The following IBTK variants were observed in gnomAD, a reference collection of about 807,000 sequenced individuals.
IBTK encodes the protein BTK-binding protein.
IBTK carries 83 observed loss-of-function variants against 154.9 expected under a neutral mutation model. The observed-to-expected ratio is 0.54, with a 90% CI of 0.45 to 0.64. The LOEUF is 0.64. Among genes scored for constraint, IBTK ranks in the 30% least tolerant of loss-of-function variants. IBTK has a pLI of 0.00. For synonymous variants in IBTK, 515 were observed against 536.1 expected (o/e 0.96, Z 0.54); for missense variants, 1,332 against 1,584.6 (o/e 0.84, Z 2.71).
intron 16 of IBTK, 110 bp downstream of exon 16, chr6:82,210,704 A>T: frequency 2.2e-6 from 1 of 446,428 alleles, no homozygotes. Flanking sequence ...AATAAAATAA[A>T]TTAAGCCTTT....
Position 82,191,464 on chromosome 6 carries a change from C to T in IBTK, c.3432-248G>A, listed in dbSNP as rs181163194. The stretch of plus-strand genomic sequence containing the variant: ...AAGTAATAGCTACATATGAGCCCTC[C>T]AACATATCACAAATTTCAAAAAGAA... On this transcript the variant is annotated intron_variant, in intron 24 of 28. Transcript: ENST00000306270. 2,184 of 557,644 alleles carry T rather than the reference C, an allele frequency of 3.9e-3. 9 individuals are homozygous for T. Among genetic ancestry groups the T allele is most frequent in the Non-Finnish European group, 4.8e-3 (1,523 of 316,540 alleles). 34.5% of individuals were successfully genotyped at this position (557,644 alleles called of 1,614,324 possible).
chr6:82,214,584 T>A lies in IBTK; in HGVS notation c.1847A>T (p.His616Leu), dbSNP rs1322050190. 1 of 1,614,072 alleles carries A rather than the reference T, an allele frequency of 6.2e-7. No homozygotes were observed. The highest frequency in any genetic ancestry group is 2.2e-5 in the East Asian group (1 of 44,852). Residue 616 changes from histidine (H) to leucine (L), a missense_variant, in exon 12 of 29, where the codon CAT becomes CTT. Coordinates refer to ENST00000306270, the MANE Select transcript of IBTK (RefSeq NM_015525.4). Reference sequence around the variant, plus strand: ...ATGAACCTTCTCTACCACAAAGAGATGGCACCCTGCAGAATCTTCATCTTT... The same window carrying A: ...ATGAACCTTCTCTACCACAAAGAGAAGGCACCCTGCAGAATCTTCATCTTT... ...YQKDEDSAGC[H>L]LFVVEKVHPD...
intron 23 of IBTK, among the ~76,000 whole-genome samples, chr6:82,192,427 T>C (rs903606934): frequency 6.6e-6 from 1 of 152,188 alleles, no homozygotes; most frequent in Admixed American, 6.5e-5. Context: ...TATACCATAA[T>C]GACAAAATTC....
chr6:82,199,751 A>G (rs1021867067), intron 21 of IBTK, among the ~76,000 whole-genome samples: 1 of 152,204 alleles, frequency 6.6e-6, no homozygotes, highest in African/African-American at 2.4e-5. Context: ...AGTTTGGCAT[A>G]TAAGAGCCTC....
intron 11 of IBTK, among the ~76,000 whole-genome samples, chr6:82,215,780 C>CAAA (rs59634766): frequency 2.2e-4 from 18 of 81,934 alleles, no homozygotes; most frequent in South Asian, 1.6e-3. Flanking sequence ...GACTCCATCT[C>CAAA]AAAAAAAAAA....
intron 10 of IBTK, among the ~76,000 whole-genome samples, chr6:82,216,895 A>C (rs2127816857): frequency 6.6e-6 from 1 of 152,302 alleles, no homozygotes; most frequent in South Asian, 2.1e-4. Context: ...TGCTTCCACA[A>C]AGATATGAAA....
chr6:82,211,729 C>T (rs1256630467), intron 13 of IBTK, among the ~76,000 whole-genome samples, 157 bp from the exon 14 acceptor site: 3 of 152,130 alleles, frequency 2.0e-5, no homozygotes, highest in Non-Finnish European at 4.4e-5. Context: ...TCTTTTTCCA[C>T]CACAGGGAAG....
Position 82,240,435 on chromosome 6 carries a change from C to T in IBTK, c.52G>A (p.Ala18Thr). 6.2e-7 allele frequency: 1 copy of T among 1,614,112 alleles called. No homozygotes were observed. The highest frequency in any genetic ancestry group is 8.5e-7 in the Non-Finnish European group (1 of 1,180,020). ...GTTACCACAGAAAGGACATCCAAAG[C>T]ATGCTTCAGGGATCGACACTTTGAT... ...CTSKCRSLKH[A>T]LDVLSVVTKG... Residue 18 changes from alanine to threonine, a missense_variant, in exon 2 of 29, where the codon GCT (alanine) becomes ACT (threonine). Around this residue, in one of 3 missense-constraint regions of IBTK, gnomAD observed 84 missense variants for 96.2 expected, o/e 0.87. Coordinates refer to ENST00000306270, the MANE Select transcript of IBTK (RefSeq NM_015525.4).
At chr6:82,176,185 C>T (rs1311416910) in intron 26 of IBTK, among the ~76,000 whole-genome samples, 1 of 151,910 alleles carries the variant, frequency 6.6e-6, no homozygotes, top group Non-Finnish European at 1.5e-5. Context: ...CTGATATAAT[C>T]ACAGAATAAT....
At chr6:82,216,019 A>C (rs1310113209) in intron 11 of IBTK, 57 bp downstream of exon 11, 1 of 1,367,866 alleles carries the variant, frequency 7.3e-7, no homozygotes, top group Non-Finnish European at 1.0e-6. Context: ...TACTGAAAAC[A>C]AGAAAATTCA....
intron 16 of IBTK, among the ~76,000 whole-genome samples, chr6:82,209,587 A>G (rs777184861): frequency 9.9e-5 from 15 of 152,170 alleles, no homozygotes; most frequent in Non-Finnish European, 1.9e-4. Context: ...AGTGTCTGCT[A>G]ATGGGTACAA....
chr6:82,228,240 A>G (rs1036863477), intron 4 of IBTK, among the ~76,000 whole-genome samples: 3 of 152,156 alleles, frequency 2.0e-5, no homozygotes, highest in African/African-American at 7.2e-5. Flanking sequence ...AAATAAAGAA[A>G]CCCTAAAATC....
rs977602001 is a variant in IBTK, at chr6:82,231,945, G to C, written c.419-103C>G. On this transcript the variant is annotated intron_variant, in intron 3 of 28. Transcript: ENST00000306270. ...AAGATGCCAACGCTCTTCTCTGAAT[G>C]AATATATTAATATGATATTAGGTAA... 7.3e-5 allele frequency: 43 copies of C among 590,238 alleles called. No individual in the cohort carries two copies. In the African/African-American group the frequency reaches 7.6e-4, roughly 10 times the overall value. 36.6% of individuals were successfully genotyped at this position (590,238 alleles called of 1,614,324 possible). A position where few individuals can be genotyped will look rare whatever the true frequency, so the allele number is the denominator to read the frequency against.
chr6:82,182,040 A>C lies in IBTK; in HGVS notation c.3576-12T>G. On this transcript the variant is annotated splice_polypyrimidine_tract_variant and intron_variant, in intron 25 of 28. Coordinates refer to ENST00000306270, the MANE Select transcript of IBTK (RefSeq NM_015525.4). ...GCAGAGAAGATGCCCTGCAAAAGAA[A>C]GCAAAGATCATGTTAAAACATCCAT... 2 of 1,586,234 alleles carry C rather than the reference A, an allele frequency of 1.3e-6. No individual in the cohort carries two copies. Among genetic ancestry groups the C allele is most frequent in the Non-Finnish European group, 1.7e-6 (2 of 1,174,042 alleles).
At chr6:82,210,980 G>A in intron 15 of IBTK, 70 bp from the exon 16 acceptor site, 1 of 857,250 alleles carries the variant, frequency 1.2e-6, no homozygotes, top group Non-Finnish European at 1.7e-6. Context: ...TTCTAATTTG[G>A]GTTATTGGTA....
At chr6:82,235,072 G>A (rs896861681) in intron 2 of IBTK, among the ~76,000 whole-genome samples, 1 of 151,604 alleles carries the variant, frequency 6.6e-6, no homozygotes, top group Non-Finnish European at 1.5e-5. Flanking sequence ...TGTTGGCCAG[G>A]CTGGCCTCGG....
chr6:82,196,009 C>T (rs1397573149), intron 22 of IBTK, among the ~76,000 whole-genome samples: 2 of 152,118 alleles, frequency 1.3e-5, no homozygotes, highest in Non-Finnish European at 2.9e-5. Context: ...AATTTAGCTA[C>T]AAATATATTT....
intron 12 of IBTK, 72 bp downstream of exon 12, chr6:82,214,155 C>T: frequency 1.4e-6 from 2 of 1,421,162 alleles, no homozygotes; most frequent in Non-Finnish European, 1.9e-6. Flanking sequence ...TGGGGTTTCA[C>T]AGTAAGGGTG....
chr6:82,189,621 A>C (rs910858911), intron 25 of IBTK, among the ~76,000 whole-genome samples: 1 of 152,174 alleles, frequency 6.6e-6, no homozygotes, highest in Non-Finnish European at 1.5e-5. Context: ...AGTTAAAGAA[A>C]ATCTCAAGAT....
Sources: allele counts gnomAD v4.1 joint callset (sites outside exome capture counted in the v4.1 genomes callset), GRCh38; gene constraint gnomAD v4.1.1; regional missense constraint gnomAD v4.1.1; transcripts MANE v1.5; gene names NCBI Gene and HGNC (gene_info 2026-07-23, HGNC 2026-07-21).